The following ZFHX3 variants were observed in gnomAD, a reference collection of about 807,000 sequenced individuals.
ZFHX3 encodes zinc finger homeobox protein 3.
Under a neutral mutation model 279.1 loss-of-function variants are expected in ZFHX3, and 42 were observed. That is an observed-to-expected ratio of 0.15 (90% CI 0.12 to 0.19). The LOEUF (loss-of-function observed/expected upper bound fraction) is 0.19, where lower values mean the gene tolerates loss of function less well. Ranked by LOEUF, ZFHX3 falls within the 10% of genes least tolerant of loss-of-function variation. ZFHX3 has a pLI of 1.00. For synonymous variants in ZFHX3, 2,293 were observed against 1,957.8 expected, an observed-to-expected ratio of 1.17 and a Z score of -4.52; for missense variants, 4,981 against 4,754.0, an observed-to-expected ratio of 1.05 and a Z score of -1.40.
chr16:73,815,278 G>C (rs185290633), intron 1 of ZFHX3, among the ~76,000 whole-genome samples: 4 of 152,314 alleles, frequency 2.6e-5, no homozygotes, highest in African/African-American at 7.2e-5. Flanking sequence ...CAGAGTAGGT[G>C]TTCCTTCTGA....
intron 3 of ZFHX3, among the ~76,000 whole-genome samples, chr16:73,379,449 T>C (rs1597309062): frequency 1.3e-5 from 2 of 152,140 alleles, no homozygotes; most frequent in East Asian, 3.9e-4. Flanking sequence ...AAAGCCAAGT[T>C]CCACCTCTGC....
At chr16:73,058,276 G>A (rs928651739) in intron 1 of ZFHX3, among the ~76,000 whole-genome samples, 9 of 139,162 alleles carry the variant, frequency 6.5e-5, no homozygotes, top group South Asian at 2.2e-4. Context: ...GGAGGAGGAG[G>A]AAGAAGAAGA....
intron 3 of ZFHX3, among the ~76,000 whole-genome samples, chr16:73,380,468 T>C (rs572504641): frequency 6.6e-6 from 1 of 152,276 alleles, no homozygotes; most frequent in East Asian, 1.9e-4. Context: ...TTGAGAAAAG[T>C]AGATAAAATT....
chr16:73,434,235 C>T (rs551724704), intron 3 of ZFHX3, among the ~76,000 whole-genome samples: 5 of 147,246 alleles, frequency 3.4e-5, no homozygotes, highest in Non-Finnish European at 4.5e-5. Context: ...TGCTGCGACA[C>T]ATTGAATGAT....
chr16:73,586,427 A>C (rs144901917), intron 2 of ZFHX3, among the ~76,000 whole-genome samples: 1 of 148,278 alleles, frequency 6.7e-6, no homozygotes, highest in Non-Finnish European at 1.5e-5. Flanking sequence ...CAAACAAACA[A>C]AAAAACATAC....
rs151138243 is a variant in ZFHX3, at chr16:73,839,278, C to T, written c.-1608+52373G>A. Among the ~76,000 whole-genome samples, 354 of 120,250 alleles carry T rather than the reference C, an allele frequency of 2.9e-3. 3 individuals carry two copies. Among genetic ancestry groups the T allele is most frequent in the African/African-American group, 0.011 (332 of 31,250 alleles). The allele number at this position is 120,250 out of a possible 152,430, so 78.9% of individuals were successfully genotyped here. A position where few individuals can be genotyped will look rare whatever the true frequency, so the allele number is the denominator to read the frequency against. ...TTGGGAGGCTGAGGCAGGAGAATGG[C>T]ATGAACCCAGGATGTGGAACTTGCA... On this transcript the variant is annotated intron_variant, in intron 1 of 17. Transcript: ENST00000641206.
intron 4 of ZFHX3, among the ~76,000 whole-genome samples, chr16:72,866,144 A>C (rs891233773): frequency 2.0e-5 from 3 of 152,216 alleles, no homozygotes; most frequent in African/African-American, 7.2e-5. Flanking sequence ...TGTCCTAACA[A>C]ATGATCCTAA....
chr16:73,841,927 GAT>G (rs1567427652), intron 1 of ZFHX3, among the ~76,000 whole-genome samples: 2,177 of 152,108 alleles, frequency 0.014, 54 homozygotes, highest in African/African-American at 0.049. Flanking sequence ...GAAAAACAAT[GAT>G]CACAGTCAGG....
chr16:73,734,557 TTGA>T (rs1301109131), intron 1 of ZFHX3, among the ~76,000 whole-genome samples: 1 of 152,140 alleles, frequency 6.6e-6, no homozygotes, highest in Non-Finnish European at 1.5e-5. Flanking sequence ...AAAAACAGAA[TTGA>T]TGATATATTC....
At chr16:73,758,111 T>C (rs2053829023) in intron 1 of ZFHX3, among the ~76,000 whole-genome samples, 1 of 152,204 alleles carries the variant, frequency 6.6e-6, no homozygotes, top group Admixed American at 6.5e-5. Context: ...TTCTCTCAAA[T>C]GCCTCTGAAA....
intron 2 of ZFHX3, among the ~76,000 whole-genome samples, chr16:73,675,265 G>A (rs1333254346): frequency 6.6e-6 from 1 of 152,116 alleles, no homozygotes; most frequent in Non-Finnish European, 1.5e-5. Flanking sequence ...CAGAGTCACA[G>A]CCCAAGTACC....
chr16:73,317,718 C>T (rs965859215), intron 4 of ZFHX3, among the ~76,000 whole-genome samples: 6 of 152,138 alleles, frequency 3.9e-5, no homozygotes, highest in Admixed American at 3.3e-4. Context: ...CATACACATG[C>T]GCGGCATCAA....
intron 3 of ZFHX3, among the ~76,000 whole-genome samples, chr16:72,896,411 A>G (rs1308387514): frequency 6.6e-6 from 1 of 152,178 alleles, no homozygotes; most frequent in Non-Finnish European, 1.5e-5. Flanking sequence ...ACTGAGAAGA[A>G]CACAGCAAAG....
intron 5 of ZFHX3, among the ~76,000 whole-genome samples, chr16:72,826,820 A>C (rs144119185): frequency 1.3e-5 from 2 of 152,332 alleles, no homozygotes; most frequent in East Asian, 1.9e-4. Flanking sequence ...GAATGAATGC[A>C]TGAGAAAGTG....
At chr16:73,089,808 C>T (rs1184177890) in intron 8 of ZFHX3, among the ~76,000 whole-genome samples, 2 of 152,296 alleles carry the variant, frequency 1.3e-5, no homozygotes, top group East Asian at 3.9e-4. Context: ...TTTGAAGATT[C>T]CCCTATTAGT....
At chr16:73,748,297 G>T (rs936614939) in intron 1 of ZFHX3, among the ~76,000 whole-genome samples, 7 of 151,968 alleles carry the variant, frequency 4.6e-5, no homozygotes, top group African/African-American at 1.7e-4. Context: ...AGAAAAACAG[G>T]TCTCTGCTTC....
intron 2 of ZFHX3, among the ~76,000 whole-genome samples, chr16:73,469,347 T>TG (rs2018623516): frequency 6.6e-6 from 1 of 152,018 alleles, no homozygotes; most frequent in East Asian, 1.9e-4. Context: ...CTTGAAGAGC[T>TG]GGGGGCTCTT....
chr16:72,860,379 G>A (rs1347081126), intron 4 of ZFHX3, among the ~76,000 whole-genome samples: 2 of 152,068 alleles, frequency 1.3e-5, no homozygotes, highest in Non-Finnish European at 2.9e-5. Context: ...TCCTTTCAGC[G>A]TTTAACAAAT....
chr16:73,351,035 G>A (rs1209989497), intron 3 of ZFHX3, among the ~76,000 whole-genome samples: 2 of 152,210 alleles, frequency 1.3e-5, no homozygotes, highest in African/African-American at 4.8e-5. Flanking sequence ...AGAAAGGGAA[G>A]TGACACTGGT....
Sources: gnomAD v4.1 joint callset for allele counts (sites outside exome capture counted in the v4.1 genomes callset) on GRCh38, gnomAD v4.1.1 for gene constraint, MANE v1.5 for transcripts, NCBI Gene and HGNC (gene_info 2026-07-23, HGNC 2026-07-21) for gene names.